The following BTBD10 variants were observed in gnomAD, a reference collection of about 807,000 sequenced individuals.
The protein encoded by BTBD10 is BTB domain containing 10, also known as BTB/POZ domain-containing protein 10.
Under a neutral mutation model 53.2 loss-of-function variants are expected in BTBD10, and 21 were observed. That is an observed-to-expected ratio of 0.39 (90% CI 0.28 to 0.57). The LOEUF (loss-of-function observed/expected upper bound fraction) is 0.57. Among genes scored for constraint, BTBD10 ranks in the 20% least tolerant of loss-of-function variants. The pLI is 0.53. For synonymous variants in BTBD10, 149 were observed against 192.7 expected (o/e 0.77, Z 1.88); for missense variants, 360 against 594.7 (o/e 0.61, Z 4.10).
intron 6 of BTBD10, among the ~76,000 whole-genome samples, chr11:13,410,054 G>A (rs534348579): frequency 2.0e-5 from 3 of 152,204 alleles, no homozygotes; most frequent in East Asian, 3.9e-4. Context: ...TACAGTGTAC[G>A]CTGTCCAGGT....
intron 6 of BTBD10, among the ~76,000 whole-genome samples, chr11:13,407,714 C>A (rs1949861488): frequency 6.6e-6 from 1 of 152,210 alleles, no homozygotes; most frequent in Non-Finnish European, 1.5e-5. Context: ...AAAGTGGAGT[C>A]TAGCTCCCCT....
chr11:13,435,064 A>C (rs909562002), intron 2 of BTBD10, among the ~76,000 whole-genome samples: 15 of 152,224 alleles, frequency 9.9e-5, no homozygotes, highest in African/African-American at 3.6e-4. Context: ...GTCTGTGTAT[A>C]CTTATGGATA....
At chr11:13,423,579 T>C (rs976570322) in intron 2 of BTBD10, among the ~76,000 whole-genome samples, 8 of 152,238 alleles carry the variant, frequency 5.3e-5, no homozygotes, top group South Asian at 2.1e-4. Flanking sequence ...CCTAAGCCTT[T>C]TGAGTCATTC....
chr11:13,444,731 A>G (rs1020006532), intron 2 of BTBD10, among the ~76,000 whole-genome samples: 10 of 152,212 alleles, frequency 6.6e-5, no homozygotes, highest in African/African-American at 2.4e-4. Context: ...ACAAAGAACT[A>G]ACCTGTCATG....
At chr11:13,446,261 G>C (rs1007518897) in intron 1 of BTBD10, among the ~76,000 whole-genome samples, 1 of 152,042 alleles carries the variant, frequency 6.6e-6, no homozygotes, top group Non-Finnish European at 1.5e-5. Flanking sequence ...TGGGAGGTGA[G>C]GTAGAGTTGT....
intron 2 of BTBD10, among the ~76,000 whole-genome samples, chr11:13,424,982 A>C (rs1950309555): frequency 6.6e-6 from 1 of 152,176 alleles, no homozygotes; most frequent in Non-Finnish European, 1.5e-5. Context: ...TAGAGTTCTA[A>C]GGGAAAAGTA....
chr11:13,436,829 T>G (rs1177987755), intron 2 of BTBD10, among the ~76,000 whole-genome samples: 4 of 152,240 alleles, frequency 2.6e-5, no homozygotes, highest in African/African-American at 9.6e-5. Flanking sequence ...TCATCCAGAC[T>G]GGAGTGCAGT....
chr11:13,434,983 G>C (rs1041924670), intron 2 of BTBD10, among the ~76,000 whole-genome samples: 4 of 152,158 alleles, frequency 2.6e-5, no homozygotes, highest in African/African-American at 9.7e-5. Context: ...GAAAGGACTA[G>C]GTTTAGAAAT....
intron 2 of BTBD10, among the ~76,000 whole-genome samples, chr11:13,428,584 AT>A (rs1265105426): frequency 2.0e-5 from 3 of 152,178 alleles, no homozygotes; most frequent in Non-Finnish European, 4.4e-5. Context: ...GTGGAAAAAA[AT>A]ATTACAAGAA....
At chr11:13,409,088 C>T (rs1949888563) in intron 6 of BTBD10, among the ~76,000 whole-genome samples, 1 of 152,084 alleles carries the variant, frequency 6.6e-6, no homozygotes, top group Non-Finnish European at 1.5e-5. Flanking sequence ...CCTTATTTGA[C>T]CTAGGTGCCT....
chr11:13,459,050 A>T (rs888425421), intron 1 of BTBD10, among the ~76,000 whole-genome samples: 1 of 120,828 alleles, frequency 8.3e-6, no homozygotes, highest in Non-Finnish European at 1.7e-5. Context: ...TTATTTTTTT[A>T]TTTATTTATT....
Position 13,445,037 on chromosome 11 carries a change from A to G in BTBD10, c.88T>C (p.Tyr30His), listed in dbSNP as rs1370536035. 3.7e-6 allele frequency: 6 copies of G among 1,609,802 alleles called. No individual in the cohort carries two copies. Among genetic ancestry groups the G allele is most frequent in the Non-Finnish European group, 4.3e-6 (5 of 1,176,440 alleles). Reference protein sequence around the residue: ...RKLHSRPRKLYKHSSTSSRIA... With the variant: ...RKLHSRPRKLHKHSSTSSRIA... ...TTTTCTACCTACCTTGAATGTTTAT[A>G]AAGTTTACGAGGTCTACTATGCAAT... Residue 30 changes from tyrosine (Y) to histidine (H), a missense_variant, in exon 2 of 9, where the codon TAT (tyrosine) becomes CAT (histidine). Transcript: ENST00000278174.
intron 1 of BTBD10, among the ~76,000 whole-genome samples, chr11:13,459,349 T>C (rs971102638): frequency 5.3e-5 from 8 of 152,150 alleles, no homozygotes; most frequent in Admixed American, 3.9e-4. Context: ...TGAGCCACCA[T>C]GCCTGGCTGG....
chr11:13,403,418 C>T (rs1170197512), intron 7 of BTBD10, 140 bp from the exon 8 acceptor site: 2 of 483,354 alleles, frequency 4.1e-6, no homozygotes, highest in Non-Finnish European at 7.3e-6. Flanking sequence ...GATGACTAGC[C>T]AACATGACAG....
At chr11:13,433,578 C>T (rs570570007) in intron 2 of BTBD10, among the ~76,000 whole-genome samples, 3 of 152,202 alleles carry the variant, frequency 2.0e-5, no homozygotes, top group African/African-American at 4.8e-5. Flanking sequence ...TTATAAGCAT[C>T]GTTAATGTGT....
intron 3 of BTBD10, 49 bp downstream of exon 3, chr11:13,421,593 A>T (rs374414875): frequency 1.4e-6 from 2 of 1,470,186 alleles, no homozygotes; most frequent in African/African-American, 1.4e-5. Context: ...TTAAAAAGGT[A>T]AATGCATGTT....
intron 8 of BTBD10, among the ~76,000 whole-genome samples, chr11:13,395,694 C>G (rs1949529152): frequency 6.6e-6 from 1 of 152,090 alleles, no homozygotes; most frequent in Non-Finnish European, 1.5e-5. Context: ...AGTCTTTAAT[C>G]CATCTTGAAT....
At chr11:13,445,945 C>T (rs1254883118) in intron 1 of BTBD10, among the ~76,000 whole-genome samples, 1 of 152,102 alleles carries the variant, frequency 6.6e-6, no homozygotes, top group Non-Finnish European at 1.5e-5. Flanking sequence ...TTATGATCCC[C>T]ATATACAGAA....
In BTBD10 at chr11:13,402,944, C is replaced by CT. The variant is rs1949743825; in HGVS notation, c.1117+223dup. Among the ~76,000 whole-genome samples the CT allele has an allele frequency of 2.6e-5, 4 of 152,278 alleles. No homozygotes were observed. In the South Asian group the frequency reaches 8.3e-4, roughly 32 times the overall value. On this transcript the variant is annotated intron_variant, in intron 8 of 8. Coordinates refer to ENST00000278174, the MANE Select transcript of BTBD10 (RefSeq NM_032320.7). The stretch of plus-strand genomic sequence containing the variant: ...GGCAGAAAAAGACAAATTCATATCT[C>CT]TATCACTAGAGAATCTTATGGAATA...
Sources: gnomAD v4.1 joint callset for allele counts (sites outside exome capture counted in the v4.1 genomes callset) on GRCh38, gnomAD v4.1.1 for gene constraint, MANE v1.5 for transcripts, NCBI Gene and HGNC (gene_info 2026-07-23, HGNC 2026-07-21) for gene names.